The following INSC variants were observed in gnomAD, a reference collection of about 807,000 sequenced individuals.
The protein encoded by INSC is INSC spindle orientation adaptor protein, also known as protein inscuteable homolog.
INSC carries 67 observed loss-of-function variants against 58.6 expected under a neutral mutation model. That is an observed-to-expected ratio of 1.14 (90% CI 0.94 to 1.40). The LOEUF is 1.40. INSC is among the 40% of genes most tolerant of loss of function. The pLI, the probability that INSC is intolerant of heterozygous loss-of-function variation, is 0.00. For synonymous variants in INSC, 262 were observed against 276.1 expected, an observed-to-expected ratio of 0.95 and a Z score of 0.51; for missense variants, 714 against 692.0, an observed-to-expected ratio of 1.03 and a Z score of -0.36.
chr11:15,158,102 GTCTT>G (rs1216977231), intron 2 of INSC, among the ~76,000 whole-genome samples: 1 of 152,008 alleles, frequency 6.6e-6, no homozygotes, highest in Non-Finnish European at 1.5e-5. Flanking sequence ...TCAGGCTTCT[GTCTT>G]TCTTCTCTTT....
chr11:15,245,333 G>C (rs1269099337), intron 12 of INSC, among the ~76,000 whole-genome samples: 1 of 152,140 alleles, frequency 6.6e-6, no homozygotes, highest in Non-Finnish European at 1.5e-5. Flanking sequence ...CAGAGGTAGA[G>C]CATTGGGCTG....
chr11:15,129,613 T>C (rs1253751338), intron 1 of INSC, among the ~76,000 whole-genome samples: 2 of 152,234 alleles, frequency 1.3e-5, no homozygotes, highest in Non-Finnish European at 2.9e-5. Context: ...CTAAGGTTCA[T>C]TTCTATGGCC....
chr11:15,169,203 C>CA (rs397767085), intron 2 of INSC, among the ~76,000 whole-genome samples: 2 of 151,544 alleles, frequency 1.3e-5, no homozygotes, highest in Non-Finnish European at 2.9e-5. Context: ...GGAGGGTTCC[C>CA]GATGTAGCTA....
At chr11:15,253,450 C>G in the INSC span, among the ~76,000 whole-genome samples, 1 of 152,082 alleles carries the variant, frequency 6.6e-6, no homozygotes, top group Non-Finnish European at 1.5e-5. Flanking sequence ...TTATCTCTGG[C>G]TATATTAAAC....
chr11:15,240,280 G>A (rs2271828), intron 11 of INSC, among the ~76,000 whole-genome samples, 167 bp from the exon 12 acceptor site: 19,175 of 152,142 alleles, frequency 0.13, 1,374 homozygotes, highest in Non-Finnish European at 0.17. Context: ...ACCCTGACCC[G>A]GGTCTGTTCA....
At chr11:15,203,515 T>C (rs962425066) in intron 7 of INSC, among the ~76,000 whole-genome samples, 2 of 152,254 alleles carry the variant, frequency 1.3e-5, no homozygotes, top group African/African-American at 4.8e-5. Context: ...TGGATTCTAA[T>C]TTCATTTGAT....
upstream of INSC, among the ~76,000 whole-genome samples, chr11:15,113,130 T>TTTCC (rs1847609398): frequency 7.8e-6 from 1 of 127,508 alleles, no homozygotes; most frequent in African/African-American, 2.8e-5. Context: ...TCTTTCTTTC[T>TTTCC]TTCTTTCTTT....
At chr11:15,190,426 G>T (rs1850119563) in intron 5 of INSC, among the ~76,000 whole-genome samples, 1 of 152,224 alleles carries the variant, frequency 6.6e-6, no homozygotes, top group Non-Finnish European at 1.5e-5. Context: ...AATGTTGGGA[G>T]CTGATTTTCT....
At chr11:15,148,857 A>G (rs149745938) in intron 1 of INSC, among the ~76,000 whole-genome samples, 6 of 152,370 alleles carry the variant, frequency 3.9e-5, no homozygotes, top group African/African-American at 1.4e-4. Flanking sequence ...TATTTGATAC[A>G]TACCAAAATA....
chr11:15,161,466 T>C (rs1849017137), intron 2 of INSC, among the ~76,000 whole-genome samples: 1 of 152,166 alleles, frequency 6.6e-6, no homozygotes, highest in Admixed American at 6.5e-5. Flanking sequence ...AGAGGACTAG[T>C]GCATGGAGAC....
intron 7 of INSC, among the ~76,000 whole-genome samples, chr11:15,217,094 G>A (rs529299558): frequency 5.3e-5 from 8 of 152,300 alleles, no homozygotes; most frequent in Non-Finnish European, 7.4e-5. Flanking sequence ...ATCCAAGACT[G>A]GGTAATTTAT....
chr11:15,242,719 C>T (rs1347459556), intron 12 of INSC, among the ~76,000 whole-genome samples: 1 of 152,162 alleles, frequency 6.6e-6, no homozygotes, highest in African/African-American at 2.4e-5. Context: ...AGATCTAAAT[C>T]TCTCTTCTTC....
At chr11:15,197,651 A>G (rs1278896317) in intron 6 of INSC, among the ~76,000 whole-genome samples, 2 of 152,154 alleles carry the variant, frequency 1.3e-5, no homozygotes, top group African/African-American at 2.4e-5. Context: ...TTGTCCTCTC[A>G]GCTTCTTGGG....
chr11:15,154,830 G>A (rs1414608223), intron 2 of INSC, among the ~76,000 whole-genome samples: 1 of 152,022 alleles, frequency 6.6e-6, no homozygotes, highest in East Asian at 1.9e-4. Flanking sequence ...AATAACCCAT[G>A]TTAGTGCCAC....
chr11:15,157,041 ACTTGGTCCC>A (rs1848838740), intron 2 of INSC, among the ~76,000 whole-genome samples: 1 of 152,120 alleles, frequency 6.6e-6, no homozygotes, highest in Non-Finnish European at 1.5e-5. Flanking sequence ...AAATTTTAGG[ACTTGGTCCC>A]CTCATTCCAG....
intron 6 of INSC, among the ~76,000 whole-genome samples, chr11:15,195,608 A>T (rs1040082265): frequency 1.5e-4 from 23 of 152,232 alleles, no homozygotes; most frequent in African/African-American, 5.3e-4. Flanking sequence ...GAGAGGAGAC[A>T]TGCATTTGGT....
chr11:15,268,713 A>C, the INSC span, among the ~76,000 whole-genome samples: 7 of 152,212 alleles, frequency 4.6e-5, no homozygotes, highest in East Asian at 1.4e-3. Context: ...TGTTGTTCAC[A>C]TCAGGATTGG....
chr11:15,156,439 A>G (rs1429762005), intron 2 of INSC, among the ~76,000 whole-genome samples: 1 of 152,210 alleles, frequency 6.6e-6, no homozygotes, highest in Non-Finnish European at 1.5e-5. Context: ...CTGGTCTCAC[A>G]TTGCCTGGAT....
chr11:15,117,942 G>C (rs767106983), intron 1 of INSC, among the ~76,000 whole-genome samples: 19 of 152,198 alleles, frequency 1.2e-4, no homozygotes, highest in Non-Finnish European at 2.4e-4. Flanking sequence ...GAGTGTTTCA[G>C]CTGCCAGCTC....
Sources: allele counts gnomAD v4.1 joint callset (sites outside exome capture counted in the v4.1 genomes callset), GRCh38; gene constraint gnomAD v4.1.1; transcripts MANE v1.5; gene names NCBI Gene and HGNC (gene_info 2026-07-23, HGNC 2026-07-21).